The following PITRM1 variants were observed in gnomAD, a reference collection of about 807,000 sequenced individuals.
The protein encoded by PITRM1 is pitrilysin metallopeptidase 1.
A neutral mutation model predicts 129.9 loss-of-function variants in PITRM1; 100 were observed. The observed-to-expected ratio is 0.77, with a 90% CI of 0.65 to 0.91. The LOEUF (loss-of-function observed/expected upper bound fraction) is 0.91. Among genes scored for constraint, PITRM1 ranks in the 40% least tolerant of loss-of-function variants. The pLI, the probability that PITRM1 is intolerant of heterozygous loss-of-function variation, is 0.00. For synonymous variants in PITRM1, 591 were observed against 508.8 expected, an observed-to-expected ratio of 1.16 and a Z score of -2.17; for missense variants, 1,471 against 1,318.3, an observed-to-expected ratio of 1.12 and a Z score of -1.79.
Position 3,138,208 on chromosome 10 carries a change from A to G in PITRM1, c.3020+27T>C, listed in dbSNP as rs1392298476. 3 of 1,596,496 alleles carry G rather than the reference A, an allele frequency of 1.9e-6. No homozygotes were observed. The African/African-American group carries it at 4.0e-5, about 21-fold the overall frequency. ...TCAGCACGAGGGCTTCCAGTCCCAG[A>G]CGCTGTCTCCCCCGCTCCCCACTCA... On this transcript the variant is annotated intron_variant, in intron 26 of 26. Coordinates refer to ENST00000224949, the MANE Select transcript of PITRM1 (RefSeq NM_014889.4).
chr10:3,144,095 C>G, intron 22 of PITRM1, 197 bp downstream of exon 22: 1 of 597,054 alleles, frequency 1.7e-6, no homozygotes, highest in South Asian at 2.1e-5. Context: ...ACACCCCCAC[C>G]AGGGCCTTCA....
At chr10:3,162,568 G>T (rs1456728161) in intron 7 of PITRM1, among the ~76,000 whole-genome samples, 1 of 152,212 alleles carries the variant, frequency 6.6e-6, no homozygotes, top group Admixed American at 6.5e-5. Context: ...CCCCGCTGGT[G>T]TGAGATCCCC....
At chr10:3,163,211 T>G (rs552563957) in intron 7 of PITRM1, 1 of 152,358 alleles carries the variant, frequency 6.6e-6, no homozygotes, top group South Asian at 2.1e-4. Flanking sequence ...AGCATTCATA[T>G]GTAAATACAA....
At chr10:3,165,599 A>C in intron 4 of PITRM1, 72 bp from the exon 5 acceptor site, 1 of 920,534 alleles carries the variant, frequency 1.1e-6, no homozygotes, top group Non-Finnish European at 1.7e-6. Context: ...CTCAAGACTC[A>C]TTCCCCCTTT....
Position 3,159,059 on chromosome 10 carries a change from A to AT in PITRM1, c.1008-18_1008-17insA. 1 of 1,598,964 alleles carries AT rather than the reference A, an allele frequency of 6.3e-7. No homozygotes were observed. Among genetic ancestry groups the AT allele is most frequent in the South Asian group, 1.1e-5 (1 of 88,116 alleles). On this transcript the variant is annotated splice_polypyrimidine_tract_variant and intron_variant, in intron 9 of 26. Transcript: ENST00000224949. The stretch of plus-strand genomic sequence containing the variant: ...TCGGTGATGCTGCATTGAAAAAAAA[A>AT]GGAACGGGGAGGTAAGAAAAGAGTA...
rs1843475783 is a variant in PITRM1 at position 3,172,540 on chromosome 10, CGGCCTCGG to C, written c.56+169_56+176del. 2.0e-5 allele frequency among the ~76,000 whole-genome samples: 3 copies of C among 152,180 alleles called. No individual in the cohort carries two copies. The South Asian group carries it at 6.2e-4, about 31-fold the overall frequency. On this transcript the variant is annotated intron_variant, in intron 1 of 26. Transcript: ENST00000224949. Reference sequence around the variant, plus strand: ...AGTAGGAAGGAGCTCCGAGGTCCTCCGGCCTCGGAGCCTCGGATGCGGGAGCTCCAGGA... The same window carrying C: ...AGTAGGAAGGAGCTCCGAGGTCCTCCAGCCTCGGATGCGGGAGCTCCAGGA...
intron 15 of PITRM1, 115 bp downstream of exon 15, chr10:3,151,132 G>A (rs1841472540): frequency 2.9e-6 from 2 of 678,066 alleles, no homozygotes; most frequent in Non-Finnish European, 5.5e-6. Flanking sequence ...GCACAGGGCT[G>A]CTCAAGTGTT....
intron 14 of PITRM1, among the ~76,000 whole-genome samples, chr10:3,153,491 C>T (rs2388553): frequency 0.56 from 84,521 of 151,922 alleles, 23,778 homozygotes; most frequent in South Asian, 0.63. Context: ...TGGTGGTGGG[C>T]ATCTGTAGTC....
At chr10:3,166,906 A>C in intron 3 of PITRM1, 30 bp downstream of exon 3, 1 of 1,293,390 alleles carries the variant, frequency 7.7e-7, no homozygotes, top group Non-Finnish European at 1.1e-6. Context: ...AAAAACATTC[A>C]AGACCATGTT....
chr10:3,162,855 C>T (rs548664702), intron 7 of PITRM1, among the ~76,000 whole-genome samples: 4 of 152,340 alleles, frequency 2.6e-5, no homozygotes, highest in Non-Finnish European at 5.9e-5. Context: ...CAGGTGTGAC[C>T]TGTGGGACCC....
chr10:3,155,169 G>A (rs1183980838), intron 14 of PITRM1, among the ~76,000 whole-genome samples: 6 of 152,068 alleles, frequency 3.9e-5, no homozygotes, highest in African/African-American at 1.4e-4. Flanking sequence ...TGTGCCTCAC[G>A]CCTGTCCCAC....
chr10:3,169,322 G>A (rs917914518), intron 2 of PITRM1, among the ~76,000 whole-genome samples: 4 of 152,076 alleles, frequency 2.6e-5, no homozygotes, highest in African/African-American at 4.8e-5. Flanking sequence ...AGCCCTGACC[G>A]AAGGCAGCCA....
chr10:3,162,249 C>T (rs145771426), intron 7 of PITRM1, among the ~76,000 whole-genome samples: 3 of 151,926 alleles, frequency 2.0e-5, no homozygotes, highest in African/African-American at 7.3e-5. Context: ...CTGGACTTCC[C>T]AGGGAGAGCA....
intron 3 of PITRM1, 43 bp downstream of exon 3, chr10:3,166,893 A>C (rs1011634065): frequency 3.3e-6 from 4 of 1,194,742 alleles, no homozygotes; most frequent in Non-Finnish European, 4.8e-6. Context: ...TCCTGATTTA[A>C]ATAAAAACAT....
intron 14 of PITRM1, among the ~76,000 whole-genome samples, 156 bp downstream of exon 14, chr10:3,155,435 A>G (rs1470898223): frequency 6.6e-6 from 1 of 152,216 alleles, no homozygotes; most frequent in Non-Finnish European, 1.5e-5. Context: ...TTTTCTGAGA[A>G]TATCTGAACT....
At position 3,172,566 on chromosome 10, in the gene PITRM1, C is replaced by A. The variant is rs1289824419; in HGVS notation, c.56+151G>T. 13 of 677,104 alleles carry A rather than the reference C, an allele frequency of 1.9e-5. No individual in the cohort carries two copies. The East Asian group carries it at 3.9e-4, about 21-fold the overall frequency. 41.9% of individuals were successfully genotyped at this position (677,104 alleles called of 1,614,324 possible). A position where few individuals can be genotyped will look rare whatever the true frequency, so the allele number is the denominator to read the frequency against. ...GGCCTCGGAGCCTCGGATGCGGGAG[C>A]TCCAGGAAGGGCTCGGGGTGCGGGA... On this transcript the variant is annotated intron_variant, in intron 1 of 26. Transcript: ENST00000224949.
rs35050824 is a variant in PITRM1, at chr10:3,165,427, G to A, written c.519C>T (p.Arg173=). 217 of 1,612,450 alleles carry A rather than the reference G, an allele frequency of 1.3e-4. No homozygotes were observed. Among genetic ancestry groups the A allele is most frequent in the Middle Eastern group, 6.6e-4 (4 of 6,060 alleles). The change falls in exon 5 of 27, where the codon CGC becomes CGT. Residue 173 remains arginine (R), a synonymous_variant. Coordinates refer to ENST00000224949, the MANE Select transcript of PITRM1 (RefSeq NM_014889.4). ...YLDATFFPCL[R]ELDFWQEGWR... ...TCATGACATACCAGAAATCCAGCTCGCGTAAACATGGGAAAAAGGTGGCAT... is the reference window on the plus strand; with the variant it reads ...TCATGACATACCAGAAATCCAGCTCACGTAAACATGGGAAAAAGGTGGCAT...
At chr10:3,171,731 G>A (rs539662639) in intron 1 of PITRM1, among the ~76,000 whole-genome samples, 41 of 151,736 alleles carry the variant, frequency 2.7e-4, no homozygotes, top group Non-Finnish European at 5.0e-4. Flanking sequence ...GAGCCACCGC[G>A]CCCAACCTAT....
Position 3,169,959 on chromosome 10 carries a change from C to G in PITRM1, c.159+145G>C, listed in dbSNP as rs369334892. On this transcript the variant is annotated intron_variant, in intron 2 of 26. Coordinates refer to ENST00000224949, the MANE Select transcript of PITRM1 (RefSeq NM_014889.4). ...TCACAAGCTCTGTTCAGCCGAGTAG[C>G]TGCCACACAGCAGGAGCTGGGCCAG... 193 of 572,460 alleles carry G rather than the reference C, an allele frequency of 3.4e-4. 1 individual carries two copies. Among genetic ancestry groups the G allele is most frequent in the African/African-American group, 3.1e-3 (168 of 53,446 alleles). 35.5% of individuals were successfully genotyped at this position (572,460 alleles called of 1,614,324 possible).
Sources: allele counts gnomAD v4.1 joint callset (sites outside exome capture counted in the v4.1 genomes callset), GRCh38; gene constraint gnomAD v4.1.1; transcripts MANE v1.5; gene names NCBI Gene and HGNC (gene_info 2026-07-23, HGNC 2026-07-21).